The following MEI4 variants were observed in gnomAD, a reference collection of about 807,000 sequenced individuals.
MEI4 encodes the protein meiosis-specific protein MEI4.
Under a neutral mutation model 31.4 loss-of-function variants are expected in MEI4, and 27 were observed. That is an observed-to-expected ratio of 0.86 (90% CI 0.63 to 1.19). MEI4 has a LOEUF of 1.19. Among genes scored for constraint, MEI4 ranks in the 50% most tolerant of loss-of-function variants. The probability of loss-of-function intolerance (pLI) is 0.00; values close to 1 mark genes in which losing one functional copy is unlikely to be tolerated. For synonymous variants in MEI4, 122 were observed against 145.4 expected, an observed-to-expected ratio of 0.84 and a Z score of 1.16; for missense variants, 329 against 398.9, an observed-to-expected ratio of 0.82 and a Z score of 1.49.
chr6:77,864,920 A>C (rs897731422), intron 4 of MEI4, among the ~76,000 whole-genome samples: 5 of 152,242 alleles, frequency 3.3e-5, no homozygotes, highest in African/African-American at 4.8e-5. Context: ...ACTCAGGATT[A>C]AGAAACTCAC....
chr6:77,882,727 A>G (rs762827918), intron 4 of MEI4, among the ~76,000 whole-genome samples: 1 of 152,144 alleles, frequency 6.6e-6, no homozygotes, highest in Admixed American at 6.5e-5. Flanking sequence ...AGGGCCTGCA[A>G]ATTACCAGAT....
At chr6:77,833,746 C>T (rs6933552) in intron 4 of MEI4, among the ~76,000 whole-genome samples, 52 of 152,164 alleles carry the variant, frequency 3.4e-4, no homozygotes, top group African/African-American at 1.2e-3. Flanking sequence ...TTTTAAGCCC[C>T]GCATGCATTA....
chr6:77,803,264 C>T (rs191126715), intron 3 of MEI4, among the ~76,000 whole-genome samples: 7 of 152,290 alleles, frequency 4.6e-5, no homozygotes, highest in East Asian at 1.9e-4. Context: ...TTGATCAAAT[C>T]GGCTACTGAG....
chr6:77,910,667 C>G (rs1766413186), intron 4 of MEI4, among the ~76,000 whole-genome samples: 1 of 152,106 alleles, frequency 6.6e-6, no homozygotes, highest in Non-Finnish European at 1.5e-5. Flanking sequence ...CCCCATCAAG[C>G]TACCAATGAG....
chr6:77,816,330 A>G (rs573456290), intron 3 of MEI4, among the ~76,000 whole-genome samples: 23 of 152,290 alleles, frequency 1.5e-4, no homozygotes, highest in African/African-American at 5.3e-4. Flanking sequence ...ATCAGTAAGA[A>G]GGAGGTCCTT....
At chr6:77,900,433 G>A (rs1445478434) in intron 4 of MEI4, among the ~76,000 whole-genome samples, 2 of 151,924 alleles carry the variant, frequency 1.3e-5, no homozygotes, top group Non-Finnish European at 2.9e-5. Flanking sequence ...GATCTATTAT[G>A]GGAAAGAAAG....
chr6:77,730,723 C>A (rs1395119025), intron 2 of MEI4, among the ~76,000 whole-genome samples: 2 of 151,776 alleles, frequency 1.3e-5, no homozygotes, highest in Non-Finnish European at 2.9e-5. Flanking sequence ...GTGCGCTGCA[C>A]CCACTAACTC....
At position 77,918,083 on chromosome 6, in the gene MEI4, T is replaced by A. The variant is rs1462718395; in HGVS notation, c.901-5006T>A. On this transcript the variant is annotated intron_variant, in intron 4 of 4. Transcript: ENST00000684080. Reference sequence around the variant, plus strand: ...GTCAAAGATCAGATAGTTGTAGATATGTGGCGTTATTTCTGAGGGCTCTGT... The same window carrying A: ...GTCAAAGATCAGATAGTTGTAGATAAGTGGCGTTATTTCTGAGGGCTCTGT... 6.6e-5 allele frequency among the ~76,000 whole-genome samples: 10 copies of A among 151,004 alleles called. No individual in the cohort carries two copies. In the East Asian group the frequency reaches 1.8e-3, roughly 27 times the overall value.
At chr6:77,855,874 C>T (rs1023310516) in intron 4 of MEI4, among the ~76,000 whole-genome samples, 20 of 152,042 alleles carry the variant, frequency 1.3e-4, no homozygotes, top group Non-Finnish European at 1.5e-5. Flanking sequence ...CTTCTTATCA[C>T]AAAAATGTTA....
At chr6:77,862,970 G>A (rs879573498) in intron 4 of MEI4, among the ~76,000 whole-genome samples, 1 of 152,278 alleles carries the variant, frequency 6.6e-6, no homozygotes. Flanking sequence ...AACAGGGTCT[G>A]GAGTGGACCT....
intron 4 of MEI4, among the ~76,000 whole-genome samples, chr6:77,881,984 C>T (rs1771501032): frequency 6.6e-6 from 1 of 152,196 alleles, no homozygotes; most frequent in Non-Finnish European, 1.5e-5. Flanking sequence ...GGCGCAGTTA[C>T]TGGTGAGATT....
At chr6:77,780,690 A>G (rs1320757839) in intron 3 of MEI4, among the ~76,000 whole-genome samples, 2 of 152,150 alleles carry the variant, frequency 1.3e-5, no homozygotes, top group African/African-American at 4.8e-5. Flanking sequence ...GTTCCCCCAT[A>G]TTTGAAACTA....
At chr6:77,724,810 A>G (rs1766784387) in intron 2 of MEI4, among the ~76,000 whole-genome samples, 1 of 146,504 alleles carries the variant, frequency 6.8e-6, no homozygotes, top group African/African-American at 2.5e-5. Context: ...ACCTCCTGTA[A>G]TTGATTATAG....
intron 3 of MEI4, among the ~76,000 whole-genome samples, chr6:77,792,152 C>T (rs946703607): frequency 1.3e-5 from 2 of 152,036 alleles, no homozygotes; most frequent in Non-Finnish European, 2.9e-5. Flanking sequence ...GAATAGTATT[C>T]CATTGTGTAT....
chr6:77,692,487 G>C (rs541871353), intron 2 of MEI4, among the ~76,000 whole-genome samples: 1 of 152,116 alleles, frequency 6.6e-6, no homozygotes, highest in African/African-American at 2.4e-5. Context: ...TTTGGCTATA[G>C]AGGTGATTTG....
intron 1 of MEI4, among the ~76,000 whole-genome samples, chr6:77,683,353 G>C (rs1425772369): frequency 3.3e-5 from 5 of 152,090 alleles, no homozygotes; most frequent in Non-Finnish European, 5.9e-5. Context: ...ATTGAGAAAT[G>C]ATTAAGTCAA....
chr6:77,670,557 C>A (rs890471595), intron 1 of MEI4, among the ~76,000 whole-genome samples: 19 of 152,062 alleles, frequency 1.2e-4, no homozygotes. Flanking sequence ...ATCGTGTGAC[C>A]ACATAAGATG....
rs147359645 is a variant in MEI4, at chr6:77,911,683, A to C, written c.901-11406A>C. On this transcript the variant is annotated intron_variant, in intron 4 of 4. Coordinates refer to ENST00000684080, the MANE Select transcript of MEI4 (RefSeq NM_001322247.2). ...TAGCTGCAATAGTATTCCATGATAT[A>C]TATAATGCATATATTATGTATATAA... Among the ~76,000 whole-genome samples the C allele has an allele frequency of 1.3e-4, 20 of 149,286 alleles. No homozygotes were observed. In the East Asian group the frequency reaches 3.5e-3, roughly 26 times the overall value.
rs538273841 is a variant in MEI4 at position 77,924,455 on chromosome 6, G to A, written c.*1109G>A. ...ACTACATGTATGTCAGTCAGCTTTT[G>A]TTATGTGACAGATAGATAATCAATC... On this transcript the variant is annotated 3_prime_UTR_variant, in exon 5 of 5. Transcript: ENST00000684080. 6.6e-6 allele frequency: 1 copy of A among 151,756 alleles called. No individual in the cohort carries two copies. Among genetic ancestry groups the A allele is most frequent in the African/African-American group, 2.4e-5 (1 of 41,354 alleles). The allele number at this position is 151,756 out of a possible 1,614,324, so 9.4% of individuals were successfully genotyped here.
Sources: gnomAD v4.1 joint callset for allele counts (sites outside exome capture counted in the v4.1 genomes callset) on GRCh38, gnomAD v4.1.1 for gene constraint, MANE v1.5 for transcripts, NCBI Gene and HGNC (gene_info 2026-07-23, HGNC 2026-07-21) for gene names.